Variants in NTNG1 observed in about 807,000 individuals in gnomAD.
NTNG1 encodes netrin-G1.
In NTNG1, 16 loss-of-function variants were observed where a neutral mutation model predicts 54.0. That is an observed-to-expected ratio of 0.30 (90% CI 0.20 to 0.45). The LOEUF (loss-of-function observed/expected upper bound fraction) is 0.45. Among genes scored for constraint, NTNG1 ranks in the 20% least tolerant of loss-of-function variants. The pLI is 1.00. For missense variants in NTNG1, 530 were observed against 678.7 expected, an observed-to-expected ratio of 0.78 and a Z score of 2.43; for synonymous variants, 255 against 263.1, an observed-to-expected ratio of 0.97 and a Z score of 0.30.
chr1:107,163,285 T>C (rs1401883317), intron 2 of NTNG1, among the ~76,000 whole-genome samples: 1 of 152,164 alleles, frequency 6.6e-6, no homozygotes, highest in African/African-American at 2.4e-5. Flanking sequence ...TTTAAACAGG[T>C]CTGAAGGTTC....
At chr1:107,328,895 G>T (rs1294310068) in intron 3 of NTNG1, 1 of 152,008 alleles carries the variant, frequency 6.6e-6, no homozygotes, top group Non-Finnish European at 1.5e-5. Flanking sequence ...ACTGATTTTA[G>T]CCATAAGACA....
chr1:107,434,000 A>G (rs757884191), intron 6 of NTNG1, among the ~76,000 whole-genome samples: 18 of 152,240 alleles, frequency 1.2e-4, no homozygotes, highest in Non-Finnish European at 1.6e-4. Flanking sequence ...TCTTAATACC[A>G]TTTTGTATAG....
intron 2 of NTNG1, among the ~76,000 whole-genome samples, chr1:107,221,469 A>G (rs953005108): frequency 1.3e-5 from 2 of 152,198 alleles, no homozygotes; most frequent in East Asian, 1.9e-4. Context: ...GGGTGGCTCT[A>G]TGATAAAGTT....
At chr1:107,449,487 G>C (rs996866554) in intron 7 of NTNG1, among the ~76,000 whole-genome samples, 3 of 151,918 alleles carry the variant, frequency 2.0e-5, no homozygotes, top group Non-Finnish European at 4.4e-5. Flanking sequence ...AGAACCCCAA[G>C]TGAGATGCAA....
chr1:107,369,603 T>C (rs1670802157), intron 3 of NTNG1, among the ~76,000 whole-genome samples: 1 of 152,192 alleles, frequency 6.6e-6, no homozygotes, highest in Non-Finnish European at 1.5e-5. Flanking sequence ...ATTATTTTCC[T>C]ATTATTGAGT....
At chr1:107,234,438 T>C (rs529661722) in intron 2 of NTNG1, among the ~76,000 whole-genome samples, 76 of 152,250 alleles carry the variant, frequency 5.0e-4, no homozygotes, top group African/African-American at 1.7e-3. Context: ...TCAGTTTTTT[T>C]TTCGGAAATG....
intron 2 of NTNG1, among the ~76,000 whole-genome samples, chr1:107,262,200 A>T (rs961342597): frequency 6.6e-6 from 1 of 152,240 alleles, no homozygotes; most frequent in East Asian, 1.9e-4. Context: ...GCCGTTACAC[A>T]TGTAGTAACA....
intron 2 of NTNG1, among the ~76,000 whole-genome samples, chr1:107,286,424 C>G (rs921242894): frequency 6.6e-6 from 1 of 152,096 alleles, no homozygotes; most frequent in African/African-American, 2.4e-5. Context: ...AAATAGGAAC[C>G]ATGCAAGGAA....
At chr1:107,468,456 T>C (rs1314544903) in intron 7 of NTNG1, among the ~76,000 whole-genome samples, 10 of 152,242 alleles carry the variant, frequency 6.6e-5, no homozygotes, top group Admixed American at 6.5e-4. Flanking sequence ...AGTATTTTCC[T>C]ACCTCCTAGC....
At chr1:107,375,628 A>G (rs943469801) in intron 3 of NTNG1, among the ~76,000 whole-genome samples, 3 of 152,220 alleles carry the variant, frequency 2.0e-5, no homozygotes, top group African/African-American at 7.2e-5. Context: ...TGTTTTAGTC[A>G]AGAATGTTGA....
rs71098633 is a variant in NTNG1, at chr1:107,482,055, C to CAAAAAAAAAAAAAAAA, written c.*1227_*1242dup. On this transcript the variant is annotated 3_prime_UTR_variant, in exon 8 of 8. Transcript: ENST00000370068. Reference sequence around the variant, plus strand: ...TTCCACTTGGGAAAAATTACAACAGCAAAAAAAAAAAAAAAAAAAAAAAAA... The same window carrying CAAAAAAAAAAAAAAAA: ...TTCCACTTGGGAAAAATTACAACAGCAAAAAAAAAAAAAAAAAAAAAAAAAAAAAAAAAAAAAAAAA... 5.7e-4 allele frequency: 65 copies of CAAAAAAAAAAAAAAAA among 114,476 alleles called. 3 individuals are homozygous for CAAAAAAAAAAAAAAAA. Among genetic ancestry groups the CAAAAAAAAAAAAAAAA allele is most frequent in the East Asian group, 2.5e-3 (10 of 3,962 alleles). The allele number at this position is 114,476 out of a possible 1,614,324, so 7.1% of individuals were successfully genotyped here. A position where few individuals can be genotyped will look rare whatever the true frequency, so the allele number is the denominator to read the frequency against.
rs978240581 is a variant in NTNG1 at position 107,161,706 on chromosome 1, C to T, written c.246+12867C>T. On this transcript the variant is annotated intron_variant, in intron 2 of 7. Transcript: ENST00000370068. ...AGAAAAAACACCAAAAAAACCTCCA[C>T]GACTTATGATTAACAGTGGTAATGT... Among the ~76,000 whole-genome samples the T allele has an allele frequency of 1.5e-4, 23 of 150,480 alleles. No homozygotes were observed. In the South Asian group the frequency reaches 2.7e-3, roughly 18 times the overall value.
intron 2 of NTNG1, among the ~76,000 whole-genome samples, chr1:107,236,938 T>C (rs989340382): frequency 6.6e-6 from 1 of 152,134 alleles, no homozygotes; most frequent in African/African-American, 2.4e-5. Context: ...ACTAATACAG[T>C]AAATTGGTAC....
intron 2 of NTNG1, among the ~76,000 whole-genome samples, chr1:107,284,859 C>T (rs1665090804): frequency 6.6e-6 from 1 of 151,956 alleles, no homozygotes; most frequent in Non-Finnish European, 1.5e-5. Context: ...AAATGCCTAA[C>T]AGAATTAACG....
At chr1:107,294,452 C>A (rs1665816587) in intron 2 of NTNG1, among the ~76,000 whole-genome samples, 1 of 152,178 alleles carries the variant, frequency 6.6e-6, no homozygotes, top group African/African-American at 2.4e-5. Flanking sequence ...TGGGCCAGTT[C>A]AGAGCATGAA....
At chr1:107,252,843 A>T (rs1436548051) in intron 2 of NTNG1, among the ~76,000 whole-genome samples, 1 of 152,198 alleles carries the variant, frequency 6.6e-6, no homozygotes, top group Non-Finnish European at 1.5e-5. Flanking sequence ...TGATTCAAAG[A>T]TAATAACTTA....
intron 2 of NTNG1, among the ~76,000 whole-genome samples, chr1:107,303,811 G>A (rs1226533053): frequency 2.6e-5 from 4 of 151,784 alleles, no homozygotes; most frequent in East Asian, 3.9e-4. Context: ...CTCAGTCTCC[G>A]GAGTAGCTGG....
intron 7 of NTNG1, among the ~76,000 whole-genome samples, chr1:107,456,041 C>T (rs1295822066): frequency 6.6e-6 from 1 of 152,054 alleles, no homozygotes; most frequent in African/African-American, 2.4e-5. Context: ...AGAACGATTC[C>T]CCAGGTCATA....
intron 3 of NTNG1, among the ~76,000 whole-genome samples, chr1:107,376,430 A>AC (rs1671265210): frequency 2.0e-5 from 3 of 151,136 alleles, no homozygotes; most frequent in Non-Finnish European, 3.0e-5. Flanking sequence ...AAAAAAAAAC[A>AC]AAAAAAAAAA....
Sources: gnomAD v4.1 joint callset for allele counts (sites outside exome capture counted in the v4.1 genomes callset) on GRCh38, gnomAD v4.1.1 for gene constraint, MANE v1.5 for transcripts, NCBI Gene and HGNC (gene_info 2026-07-23, HGNC 2026-07-21) for gene names.